TNNI3K: variants seen among roughly 807,000 people sequenced by gnomAD.
TNNI3K encodes the protein TNNI3 interacting kinase, also known as serine/threonine-protein kinase TNNI3K.
TNNI3K carries 140 observed loss-of-function variants against 114.5 expected under a neutral mutation model. The ratio of observed to expected loss-of-function variants is 1.22; its 90% CI spans 1.07 to 1.41. The LOEUF (loss-of-function observed/expected upper bound fraction) is 1.41, where lower values mean the gene tolerates loss of function less well. TNNI3K is among the 40% of genes most tolerant of loss of function. TNNI3K has a pLI of 0.00. For missense variants in TNNI3K, 1,125 were observed against 1,007.6 expected (o/e 1.12, Z -1.58); for synonymous variants, 347 against 347.5 (o/e 1.00, Z 0.02).
chr1:74,243,316 A>T (rs1480640210), intron 2 of TNNI3K, among the ~76,000 whole-genome samples: 1 of 152,188 alleles, frequency 6.6e-6, no homozygotes, highest in Non-Finnish European at 1.5e-5. Flanking sequence ...TCTTATTGAT[A>T]TAGTCTGCTT....
At chr1:74,328,128 T>C (rs191843573) in intron 5 of TNNI3K, among the ~76,000 whole-genome samples, 342 of 152,262 alleles carry the variant, frequency 2.2e-3, no homozygotes, top group African/African-American at 7.9e-3. Context: ...ATGTTTATAT[T>C]ACCTTATGCC....
rs768616124 is a variant in TNNI3K at position 74,543,959 on chromosome 1, A to G, written c.2485A>G (p.Ser829Gly). The G allele has an allele frequency of 3.1e-6, 5 of 1,613,240 alleles. No homozygotes were observed. The highest frequency in any genetic ancestry group is 4.2e-6 in the Non-Finnish European group (5 of 1,179,704). ...SMHFHSCRNSSSFEDSS is the reference protein window; with the variant it reads ...SMHFHSCRNSGSFEDSS ...GCATTTTCATTCTTGCCGAAATAGT[A>G]GCAGCTTTGAGGACAGCAGCTGACA... The change falls in exon 25 of 25, where the codon AGC becomes GGC. Residue 829 changes from serine to glycine, a missense_variant. Coordinates refer to ENST00000326637, the MANE Select transcript of TNNI3K (RefSeq NM_015978.3).
chr1:74,496,057 A>G (rs1669310299), intron 23 of TNNI3K, among the ~76,000 whole-genome samples: 1 of 152,200 alleles, frequency 6.6e-6, no homozygotes, highest in African/African-American at 2.4e-5. Flanking sequence ...GGAAGCTTTT[A>G]CAAGTACCAG....
intron 23 of TNNI3K, among the ~76,000 whole-genome samples, chr1:74,502,663 T>C (rs1669694158): frequency 6.6e-6 from 1 of 152,236 alleles, no homozygotes; most frequent in Non-Finnish European, 1.5e-5. Flanking sequence ...TACTTCCCTC[T>C]GTCTATGGCC....
At chr1:74,459,443 T>A (rs1375775056) in intron 20 of TNNI3K, among the ~76,000 whole-genome samples, 1 of 152,064 alleles carries the variant, frequency 6.6e-6, no homozygotes, top group Non-Finnish European at 1.5e-5. Context: ...CAATCAAAGA[T>A]AAGAGCTAAA....
At chr1:74,412,685 G>A (rs1167806857) in intron 17 of TNNI3K, among the ~76,000 whole-genome samples, 1 of 152,136 alleles carries the variant, frequency 6.6e-6, no homozygotes, top group Admixed American at 6.5e-5. Context: ...CGTGATCTCA[G>A]TTCACTGGAA....
chr1:74,495,451 T>A (rs1485857273), intron 23 of TNNI3K, among the ~76,000 whole-genome samples: 2 of 152,156 alleles, frequency 1.3e-5, no homozygotes, highest in East Asian at 1.9e-4. Flanking sequence ...GAATAAAAAA[T>A]TGGATAAATT....
intron 17 of TNNI3K, among the ~76,000 whole-genome samples, chr1:74,399,744 G>T (rs1342083897): frequency 6.6e-6 from 1 of 152,192 alleles, no homozygotes; most frequent in Admixed American, 6.5e-5. Context: ...GTTATTGGGG[G>T]TGGATGTGGT....
chr1:74,391,957 A>ATTATTTTTTTT (rs1369570973), intron 17 of TNNI3K, among the ~76,000 whole-genome samples: 9 of 92,990 alleles, frequency 9.7e-5, no homozygotes, highest in African/African-American at 1.9e-4. Context: ...ACAGCTTATT[A>ATTATTTTTTTT]TTTTTTTTTT....
At chr1:74,294,812 G>T (rs372473631) in intron 5 of TNNI3K, among the ~76,000 whole-genome samples, 1 of 151,752 alleles carries the variant, frequency 6.6e-6, no homozygotes, top group African/African-American at 2.4e-5. Flanking sequence ...TTTTCAATTT[G>T]TAATTATTGT....
intron 1 of TNNI3K, 39 bp downstream of exon 1, chr1:74,235,530 A>G (rs775934774): frequency 1.7e-6 from 2 of 1,152,232 alleles, no homozygotes; most frequent in South Asian, 1.4e-5. Context: ...TAAGTGTAAT[A>G]TGGTTCAATT....
chr1:74,460,933 A>G (rs17095365), intron 20 of TNNI3K, among the ~76,000 whole-genome samples: 2,341 of 152,328 alleles, frequency 0.015, 47 homozygotes, highest in African/African-American at 0.054. Flanking sequence ...CCAGAATCTA[A>G]AAGAATTTCA....
chr1:74,446,850 T>A (rs1218047608), intron 20 of TNNI3K, among the ~76,000 whole-genome samples: 4 of 149,578 alleles, frequency 2.7e-5, no homozygotes, highest in Admixed American at 2.0e-4. Context: ...CAGATAGTTG[T>A]AGGTATGCGG....
intron 17 of TNNI3K, among the ~76,000 whole-genome samples, chr1:74,388,360 T>A (rs1663596910): frequency 6.6e-6 from 1 of 152,206 alleles, no homozygotes; most frequent in African/African-American, 2.4e-5. Flanking sequence ...ACAATATGCT[T>A]TGTTTACATT....
intron 5 of TNNI3K, among the ~76,000 whole-genome samples, chr1:74,321,345 T>C (rs1424796253): frequency 6.6e-6 from 1 of 152,174 alleles, no homozygotes; most frequent in African/African-American, 2.4e-5. Flanking sequence ...GTTCTCTGCT[T>C]CTTAGATGAG....
intron 17 of TNNI3K, among the ~76,000 whole-genome samples, chr1:74,385,661 A>C (rs1016049549): frequency 6.6e-6 from 1 of 152,208 alleles, no homozygotes; most frequent in Non-Finnish European, 1.5e-5. Flanking sequence ...ACAAACCTGT[A>C]TCACACTGAG....
In TNNI3K at chr1:74,477,082, T is replaced by C. The variant is rs536793170; in HGVS notation, c.2122-12107T>C. On this transcript the variant is annotated intron_variant, in intron 21 of 24. Transcript: ENST00000326637. ...CATTTTTAAAGTTGTAGCAAAATTA[T>C]GTAAATAATAATCCTTTTATTGACA... Among the ~76,000 whole-genome samples the C allele has an allele frequency of 2.0e-5, 3 of 152,290 alleles. No homozygotes were observed. The East Asian group carries it at 5.8e-4, about 29-fold the overall frequency.
At chr1:74,241,862 T>G (rs1217554340) in intron 2 of TNNI3K, among the ~76,000 whole-genome samples, 1 of 151,228 alleles carries the variant, frequency 6.6e-6, no homozygotes, top group Non-Finnish European at 1.5e-5. Flanking sequence ...TTTTTTTTTT[T>G]TTTTTCAGAC....
chr1:74,431,018 C>T (rs924635500), intron 17 of TNNI3K, among the ~76,000 whole-genome samples: 5 of 152,068 alleles, frequency 3.3e-5, no homozygotes, highest in African/African-American at 1.2e-4. Context: ...TTATTGTTTA[C>T]AAAAGTGCAT....
Sources: gnomAD v4.1 joint callset for allele counts (sites outside exome capture counted in the v4.1 genomes callset) on GRCh38, gnomAD v4.1.1 for gene constraint, MANE v1.5 for transcripts, NCBI Gene and HGNC (gene_info 2026-07-23, HGNC 2026-07-21) for gene names.